The following ZDHHC11 variants were observed in gnomAD, a reference collection of about 807,000 sequenced individuals.
The protein encoded by ZDHHC11 is palmitoyltransferase ZDHHC11.
Under a neutral mutation model 51.3 loss-of-function variants are expected in ZDHHC11, and 44 were observed. The observed-to-expected ratio is 0.86, with a 90% CI of 0.67 to 1.10. The LOEUF is 1.10. Among genes scored for constraint, ZDHHC11 ranks in the 50% least tolerant of loss-of-function variants. The pLI is 0.00. For synonymous variants in ZDHHC11, 163 were observed against 222.0 expected (o/e 0.73, Z 2.36); for missense variants, 400 against 537.7 (o/e 0.74, Z 2.53).
chr5:837,926 C>G (rs1180684169), intron 5 of ZDHHC11, among the ~76,000 whole-genome samples: 1 of 151,910 alleles, frequency 6.6e-6, no homozygotes, highest in Admixed American at 6.6e-5. Flanking sequence ...GTGGGGTTCC[C>G]CACATCTGGA....
At chr5:817,917 C>T (rs1437553654) in intron 10 of ZDHHC11, among the ~76,000 whole-genome samples, 1 of 151,286 alleles carries the variant, frequency 6.6e-6, no homozygotes, top group Non-Finnish European at 1.5e-5. Flanking sequence ...GAAGGGGAGG[C>T]GATGGACTGT....
chr5:804,118 C>T (rs1430538750), intron 11 of ZDHHC11, among the ~76,000 whole-genome samples: 3 of 151,326 alleles, frequency 2.0e-5, no homozygotes, highest in Admixed American at 6.6e-5. Context: ...GTGTTTTCTG[C>T]ACTTTCAGTT....
At chr5:856,356 TATATC>T (rs1399132898) in intron 1 of ZDHHC11, among the ~76,000 whole-genome samples, 1 of 136,324 alleles carries the variant, frequency 7.3e-6, no homozygotes, top group Non-Finnish European at 1.6e-5. Flanking sequence ...ACATACCACA[TATATC>T]ATACAACACA....
intron 3 of ZDHHC11, among the ~76,000 whole-genome samples, chr5:844,154 G>A (rs1160760659): frequency 4.6e-5 from 7 of 152,166 alleles, no homozygotes; most frequent in South Asian, 4.1e-4. Context: ...CCCTGCTCCC[G>A]ACCGCGCCTG....
chr5:852,841 G>T (rs1451268652), upstream of ZDHHC11, among the ~76,000 whole-genome samples: 6 of 145,554 alleles, frequency 4.1e-5, no homozygotes, highest in African/African-American at 1.5e-4. Flanking sequence ...CGAGCCGGGG[G>T]TACAGACCAC....
upstream of ZDHHC11, among the ~76,000 whole-genome samples, chr5:855,838 A>C (rs1402841752): frequency 1.4e-5 from 2 of 139,758 alleles, no homozygotes; most frequent in Non-Finnish European, 3.0e-5. Flanking sequence ...CGGGGGGCAC[A>C]GACCCCACAG....
intron 5 of ZDHHC11, among the ~76,000 whole-genome samples, chr5:837,712 G>T (rs1417490074): frequency 6.6e-6 from 1 of 151,856 alleles, no homozygotes; most frequent in African/African-American, 2.4e-5. Flanking sequence ...GCGACCTGGG[G>T]AACAGTGCTG....
intron 7 of ZDHHC11, among the ~76,000 whole-genome samples, chr5:827,807 T>C (rs1177333456): frequency 4.0e-5 from 6 of 150,696 alleles, no homozygotes; most frequent in Admixed American, 1.3e-4. Flanking sequence ...GGCAGGGTCA[T>C]AGGACAATAG....
chr5:855,981 G>A (rs551850042), upstream of ZDHHC11, among the ~76,000 whole-genome samples: 51 of 149,684 alleles, frequency 3.4e-4, 1 homozygote, highest in South Asian at 7.4e-3. Flanking sequence ...CACAGACCCC[G>A]CGGAGGACAG....
chr5:804,621 G>A (rs1738983975), intron 11 of ZDHHC11, among the ~76,000 whole-genome samples: 1 of 151,218 alleles, frequency 6.6e-6, no homozygotes, highest in Non-Finnish European at 1.5e-5. Flanking sequence ...TGACTAATCA[G>A]AATCAAGAGA....
At chr5:841,228 G>T (rs1744864394) in intron 4 of ZDHHC11, 1 of 1,036,032 alleles carries the variant, frequency 9.7e-7, no homozygotes, top group African/African-American at 1.8e-5. Context: ...GTGCCTGCCG[G>T]CTCTGCCGGG....
chr5:821,793 C>G, intron 9 of ZDHHC11, 68 bp downstream of exon 9: 1 of 1,417,102 alleles, frequency 7.1e-7, no homozygotes, highest in Non-Finnish European at 9.7e-7. Flanking sequence ...CTAAGTAATT[C>G]GAGATGAGAC....
rs962010512 is a variant in ZDHHC11, at chr5:850,901, C to T, written c.-299G>A. ...GTGGAGGACCCAGTGCCCGCGCGAC[C>T]GCCCATCAGTTCCCCTGAGGATTTG... On this transcript the variant is annotated 5_prime_UTR_variant, in exon 1 of 13. Coordinates refer to ENST00000283441, the MANE Select transcript of ZDHHC11 (RefSeq NM_024786.3). 21 of 442,310 alleles carry T rather than the reference C, an allele frequency of 4.7e-5. No homozygotes were observed. Among genetic ancestry groups the T allele is most frequent in the Non-Finnish European group, 7.6e-5 (20 of 262,302 alleles). 27.4% of individuals were successfully genotyped at this position (442,310 alleles called of 1,614,324 possible). A position where few individuals can be genotyped will look rare whatever the true frequency, so the allele number is the denominator to read the frequency against.
At chr5:819,406 C>T in intron 10 of ZDHHC11, 119 bp downstream of exon 10, 1 of 1,066,870 alleles carries the variant, frequency 9.4e-7, no homozygotes, top group South Asian at 1.4e-5. Flanking sequence ...TGAGCAGCAC[C>T]CTTGGACACA....
chr5:836,051 A>G (rs1173845600), intron 6 of ZDHHC11, among the ~76,000 whole-genome samples: 5 of 136,102 alleles, frequency 3.7e-5, no homozygotes, highest in Admixed American at 1.4e-4. Flanking sequence ...TTTCCCTGCT[A>G]TGCTGGGCTG....
At chr5:827,430 C>T (rs1742434708) in intron 7 of ZDHHC11, among the ~76,000 whole-genome samples, 1 of 151,320 alleles carries the variant, frequency 6.6e-6, no homozygotes, top group South Asian at 2.1e-4. Flanking sequence ...CTAAAAAATA[C>T]AGAGTGGAAG....
At chr5:804,529 A>G (rs1181133661) in intron 11 of ZDHHC11, among the ~76,000 whole-genome samples, 11 of 136,938 alleles carry the variant, frequency 8.0e-5, no homozygotes, top group Non-Finnish European at 1.8e-4. Context: ...GCTATACGCC[A>G]AAAGATCTAC....
rs114523395 is a variant in ZDHHC11 at position 836,310 on chromosome 5, G to A, written c.900+1055C>T. On this transcript the variant is annotated intron_variant, in intron 6 of 12. Transcript: ENST00000283441. ...GTTCTCTATTGGACTAACGTGCTGAGCTGTAGTAATTGATTCCTAGGCCTT... is the reference window on the plus strand; with the variant it reads ...GTTCTCTATTGGACTAACGTGCTGAACTGTAGTAATTGATTCCTAGGCCTT... Among the ~76,000 whole-genome samples the A allele has an allele frequency of 7.1e-3, 1,076 of 150,502 alleles. 77 individuals carry two copies. Among genetic ancestry groups the A allele is most frequent in the African/African-American group, 0.025 (1,024 of 40,900 alleles).
rs1404217281 is a variant in ZDHHC11, at chr5:819,564, G to A, written c.1107C>T (p.Phe369=). The change falls in exon 10 of 13, where the codon TTC becomes TTT. Residue 369 remains phenylalanine, a synonymous_variant. Coordinates refer to ENST00000283441, the MANE Select transcript of ZDHHC11 (RefSeq NM_024786.3). ...CCCCGTCTGGGTGTACACGAGTGGA[G>A]AACTGACACAGGCGCCTGCAAATCA... The part of the protein sequence containing the change: ...SRLICRRLCQ[F]STRVHPDGGS... The A allele has an allele frequency of 6.2e-7, 1 of 1,609,976 alleles. No homozygotes were observed. The highest frequency in any genetic ancestry group is 1.7e-5 in the Admixed American group (1 of 59,938).
Sources: allele counts gnomAD v4.1 joint callset (sites outside exome capture counted in the v4.1 genomes callset), GRCh38; gene constraint gnomAD v4.1.1; transcripts MANE v1.5; gene names NCBI Gene and HGNC (gene_info 2026-07-23, HGNC 2026-07-21).